Variants in GRID1 observed in about 807,000 individuals in gnomAD.
GRID1 encodes the protein glutamate ionotropic receptor delta type subunit 1.
GRID1 carries 28 observed loss-of-function variants against 98.0 expected under a neutral mutation model. That is an observed-to-expected ratio of 0.29 (90% CI 0.21 to 0.39). GRID1 has a LOEUF of 0.39. Ranked by LOEUF, GRID1 falls within the 10% of genes least tolerant of loss-of-function variation. GRID1 has a pLI of 1.00. For missense variants in GRID1, 1,111 were observed against 1,340.5 expected (o/e 0.83, Z 2.67); for synonymous variants, 553 against 538.5 (o/e 1.03, Z -0.37).
At chr10:86,364,971 A>T (rs1848654391) in intron 1 of GRID1, among the ~76,000 whole-genome samples, 1 of 152,016 alleles carries the variant, frequency 6.6e-6, no homozygotes, top group African/African-American at 2.4e-5. Context: ...CTAGTCCTGC[A>T]ACCTGGACAG....
At chr10:86,101,913 G>C (rs1011306612) in intron 4 of GRID1, among the ~76,000 whole-genome samples, 1 of 152,088 alleles carries the variant, frequency 6.6e-6, no homozygotes, top group Non-Finnish European at 1.5e-5. Flanking sequence ...CCATTGTATG[G>C]CTGTACCACA....
chr10:85,807,737 AG>A (rs1427187364), intron 8 of GRID1, among the ~76,000 whole-genome samples: 1 of 152,176 alleles, frequency 6.6e-6, no homozygotes, highest in Non-Finnish European at 1.5e-5. Context: ...TAAGGGGTGA[AG>A]AAGATGAGGA....
chr10:85,843,637 G>T (rs1355083023), intron 8 of GRID1, among the ~76,000 whole-genome samples: 1 of 152,034 alleles, frequency 6.6e-6, no homozygotes, highest in African/African-American at 2.4e-5. Context: ...GACTTGGACA[G>T]ACATTTCACT....
At chr10:86,076,289 C>G (rs1843879162) in intron 4 of GRID1, among the ~76,000 whole-genome samples, 1 of 152,050 alleles carries the variant, frequency 6.6e-6, no homozygotes, top group African/African-American at 2.4e-5. Context: ...AGTAATGAAA[C>G]AGTAAGTTTA....
intron 4 of GRID1, among the ~76,000 whole-genome samples, chr10:86,039,047 C>T (rs1201802951): frequency 3.3e-5 from 5 of 152,160 alleles, no homozygotes; most frequent in Admixed American, 3.3e-4. Context: ...TCCCTACCAC[C>T]ACTTCTTTCC....
intron 12 of GRID1, among the ~76,000 whole-genome samples, chr10:85,701,797 A>T (rs1345866166): frequency 1.3e-5 from 2 of 152,128 alleles, no homozygotes; most frequent in Non-Finnish European, 2.9e-5. Flanking sequence ...AAAACATAAG[A>T]ATGATACAAT....
At chr10:86,302,977 G>A (rs1025054965) in intron 2 of GRID1, among the ~76,000 whole-genome samples, 1 of 152,222 alleles carries the variant, frequency 6.6e-6, no homozygotes, top group Admixed American at 6.5e-5. Context: ...AGAGATTTAT[G>A]TGAAATAATG....
At chr10:85,751,885 G>A (rs904500169) in intron 8 of GRID1, among the ~76,000 whole-genome samples, 1 of 152,154 alleles carries the variant, frequency 6.6e-6, no homozygotes, top group Non-Finnish European at 1.5e-5. Flanking sequence ...TAAATAAAGT[G>A]AAATTTTAAA....
intron 6 of GRID1, among the ~76,000 whole-genome samples, chr10:85,863,145 C>CT (rs1475218714): frequency 1.3e-5 from 2 of 152,166 alleles, no homozygotes; most frequent in Non-Finnish European, 2.9e-5. Context: ...GACTGGGTGG[C>CT]TTATAAGCAA....
intron 4 of GRID1, among the ~76,000 whole-genome samples, chr10:85,990,653 G>A (rs1237673680): frequency 1.3e-5 from 2 of 152,188 alleles, no homozygotes; most frequent in African/African-American, 2.4e-5. Flanking sequence ...AAGGAAGGAA[G>A]AGAGGTCCCC....
intron 12 of GRID1, 26 bp from the exon 13 acceptor site, chr10:85,647,423 A>G (rs375332445): frequency 6.3e-7 from 1 of 1,576,500 alleles, no homozygotes; most frequent in Non-Finnish European, 8.7e-7. Flanking sequence ...GCAGCGAGGC[A>G]TGAGTACATG....
At chr10:85,640,991 G>T (rs554008825) in intron 13 of GRID1, among the ~76,000 whole-genome samples, 1 of 152,254 alleles carries the variant, frequency 6.6e-6, no homozygotes, top group Admixed American at 6.5e-5. Flanking sequence ...CCAGCCACAG[G>T]GTCTGAAACA....
Position 85,613,387 on chromosome 10 carries a change from G to T in GRID1, c.2601+20C>A. 6.2e-7 allele frequency: 1 copy of T among 1,602,402 alleles called. No individual in the cohort carries two copies. Among genetic ancestry groups the T allele is most frequent in the African/African-American group, 1.3e-5 (1 of 74,828 alleles). The stretch of plus-strand genomic sequence containing the variant: ...CTGCCTCTAGGCTGTGAAAGGGAGG[G>T]CAGGCCCCAGGGTGCTGACCTCCTT... On this transcript the variant is annotated intron_variant, in intron 15 of 15. Transcript: ENST00000327946.
At chr10:85,994,434 A>G (rs1589328666) in intron 4 of GRID1, among the ~76,000 whole-genome samples, 1 of 152,222 alleles carries the variant, frequency 6.6e-6, no homozygotes, top group Non-Finnish European at 1.5e-5. Context: ...TCTCAATCCT[A>G]GCACCCGACA....
chr10:85,665,744 G>A (rs754088226), intron 12 of GRID1, among the ~76,000 whole-genome samples: 7 of 152,096 alleles, frequency 4.6e-5, no homozygotes, highest in African/African-American at 7.2e-5. Context: ...CTCTCCCTTC[G>A]TGATATAAAC....
chr10:86,102,414 G>T lies in GRID1; in HGVS notation c.726+36405C>A, dbSNP rs1027702146. 3.3e-5 allele frequency among the ~76,000 whole-genome samples: 5 copies of T among 152,332 alleles called. No homozygotes were observed. In the East Asian group the frequency reaches 7.7e-4, roughly 24 times the overall value. ...CAGCAAAGACAGCATCAAGATGTTG[G>T]GCCTGGGCAGCTGAAGAAAGGGTCA... On this transcript the variant is annotated intron_variant, in intron 4 of 15. Transcript: ENST00000327946.
At chr10:85,864,704 G>A (rs1490730709) in intron 6 of GRID1, among the ~76,000 whole-genome samples, 1 of 152,150 alleles carries the variant, frequency 6.6e-6, no homozygotes, top group African/African-American at 2.4e-5. Flanking sequence ...AAAAAATAGG[G>A]ATGTTAGAGG....
chr10:86,242,013 C>T (rs1424523803), intron 2 of GRID1, among the ~76,000 whole-genome samples: 1 of 152,216 alleles, frequency 6.6e-6, no homozygotes, highest in African/African-American at 2.4e-5. Context: ...GCAACAGAGA[C>T]GTGAAGCAGA....
intron 4 of GRID1, among the ~76,000 whole-genome samples, chr10:86,120,531 T>A (rs189434334): frequency 6.6e-6 from 1 of 152,178 alleles, no homozygotes; most frequent in Admixed American, 6.5e-5. Flanking sequence ...GATGAGTAAA[T>A]GACTTTGGAA....
Sources: gnomAD v4.1 joint callset for allele counts (sites outside exome capture counted in the v4.1 genomes callset) on GRCh38, gnomAD v4.1.1 for gene constraint, MANE v1.5 for transcripts, NCBI Gene and HGNC (gene_info 2026-07-23, HGNC 2026-07-21) for gene names.